SNX29: variants seen among roughly 807,000 people sequenced by gnomAD.
SNX29 encodes sorting nexin 29.
In SNX29, 78 loss-of-function variants were observed where a neutral mutation model predicts 102.1. That is an observed-to-expected ratio of 0.76 (90% CI 0.64 to 0.92). The LOEUF is 0.92. SNX29 is among the 40% of genes least tolerant of loss of function. The probability of loss-of-function intolerance (pLI) is 0.00; values close to 1 mark genes in which losing one functional copy is unlikely to be tolerated. For missense variants in SNX29, 1,280 were observed against 1,061.7 expected (o/e 1.21, Z -2.86); for synonymous variants, 580 against 414.5 (o/e 1.40, Z -4.85).
chr16:12,125,978 G>A (rs1420161870), intron 11 of SNX29, among the ~76,000 whole-genome samples: 6 of 152,130 alleles, frequency 3.9e-5, no homozygotes, highest in African/African-American at 1.4e-4. Context: ...GTCTGGGGCT[G>A]ATTTCCCATA....
At chr16:12,549,755 C>A (rs1567175590) in intron 20 of SNX29, among the ~76,000 whole-genome samples, 1 of 152,212 alleles carries the variant, frequency 6.6e-6, no homozygotes, top group Non-Finnish European at 1.5e-5. Flanking sequence ...ACTTTGAGAC[C>A]TGTTGGTGAT....
intron 20 of SNX29, 38 bp from the exon 21 acceptor site, chr16:12,568,468 T>A (rs752541300): frequency 2.5e-6 from 4 of 1,605,090 alleles, no homozygotes. Context: ...TTGCTTTTCA[T>A]CCCCAGACTT....
intron 16 of SNX29, among the ~76,000 whole-genome samples, chr16:12,386,047 C>T (rs892167700): frequency 2.6e-5 from 4 of 152,190 alleles, no homozygotes; most frequent in Admixed American, 6.5e-5. Flanking sequence ...CAGGTGTCCC[C>T]GTCACTGCAG....
At chr16:12,568,427 C>CA in intron 20 of SNX29, 79 bp from the exon 21 acceptor site, 1 of 1,573,552 alleles carries the variant, frequency 6.4e-7, no homozygotes, top group Non-Finnish European at 8.6e-7. Context: ...CCTGCCCTCA[C>CA]ACCTGGCTCC....
At chr16:12,028,202 T>TTTGGCTGGTTCCCCTTTCACAGCCA (rs1567542734) in intron 4 of SNX29, among the ~76,000 whole-genome samples, 4 of 152,180 alleles carry the variant, frequency 2.6e-5, no homozygotes, top group Non-Finnish European at 4.4e-5. Context: ...ATGTGCTGTC[T>TTTGGCTGGTTCCCCTTTCACAGCCA]TTGGCTGGTT....
intron 20 of SNX29, among the ~76,000 whole-genome samples, chr16:12,535,550 C>T (rs750071206): frequency 5.9e-5 from 9 of 152,278 alleles, no homozygotes; most frequent in South Asian, 2.1e-4. Flanking sequence ...ACAGCTGGGA[C>T]GTGGCAGCAT....
intron 3 of SNX29, among the ~76,000 whole-genome samples, chr16:12,024,635 C>G (rs566954301): frequency 6.6e-6 from 1 of 152,322 alleles, no homozygotes; most frequent in African/African-American, 2.4e-5. Flanking sequence ...GCCTCTGTGA[C>G]ACAGTACTGA....
intron 15 of SNX29, among the ~76,000 whole-genome samples, chr16:12,302,229 G>A (rs1327462251): frequency 6.6e-6 from 1 of 152,176 alleles, no homozygotes; most frequent in Admixed American, 6.5e-5. Flanking sequence ...ATGAATATAA[G>A]CAAATGGCTG....
At chr16:12,405,904 C>A (rs1249898596) in intron 18 of SNX29, among the ~76,000 whole-genome samples, 1 of 151,938 alleles carries the variant, frequency 6.6e-6, no homozygotes, top group South Asian at 2.1e-4. Flanking sequence ...TGGTGGTGGG[C>A]GCCTGTAATC....
intron 20 of SNX29, among the ~76,000 whole-genome samples, chr16:12,552,025 A>G (rs1203890060): frequency 1.3e-5 from 2 of 152,172 alleles, no homozygotes; most frequent in Non-Finnish European, 2.9e-5. Context: ...AAAACGTGGC[A>G]AGTCCAGGCT....
intron 1 of SNX29, among the ~76,000 whole-genome samples, chr16:11,997,345 C>G (rs1439990273): frequency 6.6e-6 from 1 of 152,204 alleles, no homozygotes; most frequent in Non-Finnish European, 1.5e-5. Flanking sequence ...TCAAATGTCA[C>G]CTGTGCAGAG....
intron 19 of SNX29, among the ~76,000 whole-genome samples, chr16:12,496,507 CTTTTTTT>C (rs537441350): frequency 1.1e-4 from 13 of 115,192 alleles, no homozygotes; most frequent in Non-Finnish European, 1.7e-4. Context: ...GCTCTCATGG[CTTTTTTT>C]TTTTTTTTTT....
chr16:12,168,227 C>A (rs539307161), intron 13 of SNX29, among the ~76,000 whole-genome samples: 3 of 152,242 alleles, frequency 2.0e-5, no homozygotes, highest in African/African-American at 7.2e-5. Context: ...GGGCGGGGAT[C>A]CAGGCAGTTT....
intron 11 of SNX29, among the ~76,000 whole-genome samples, chr16:12,100,146 T>A (rs1336786517): frequency 6.6e-6 from 1 of 152,192 alleles, no homozygotes; most frequent in Non-Finnish European, 1.5e-5. Context: ...ACCTTCTGGC[T>A]TTTCATCCTT....
At chr16:12,543,524 T>G (rs1161013097) in intron 20 of SNX29, among the ~76,000 whole-genome samples, 2 of 152,178 alleles carry the variant, frequency 1.3e-5, no homozygotes, top group Non-Finnish European at 2.9e-5. Context: ...AAGAAGCTTG[T>G]GACACCTTTG....
At chr16:12,565,972 C>T (rs1378736372) in intron 20 of SNX29, among the ~76,000 whole-genome samples, 4 of 152,164 alleles carry the variant, frequency 2.6e-5, no homozygotes, top group Admixed American at 6.5e-5. Context: ...CTGTGGCTTT[C>T]CAAACCTGAG....
At chr16:12,539,506 G>T (rs574303403) in intron 20 of SNX29, among the ~76,000 whole-genome samples, 1 of 152,290 alleles carries the variant, frequency 6.6e-6, no homozygotes, top group Non-Finnish European at 1.5e-5. Flanking sequence ...AAGTTGCGTT[G>T]GTTCCAGTTG....
chr16:12,348,881 C>T (rs146766812), intron 15 of SNX29, among the ~76,000 whole-genome samples: 20 of 152,062 alleles, frequency 1.3e-4, no homozygotes, highest in African/African-American at 3.9e-4. Context: ...GAGTACTGCT[C>T]GGAGAGGAAG....
At position 12,134,232 on chromosome 16, in the gene SNX29, C is replaced by G. The variant is rs140768363; in HGVS notation, c.1595+4474C>G. On this transcript the variant is annotated intron_variant, in intron 13 of 20. Transcript: ENST00000566228. ...TTGAATTATTGTGGGGGGTCATTTT[C>G]CAATTCTTGTCATCGTATTATGGCA... 2.8e-3 allele frequency among the ~76,000 whole-genome samples: 432 copies of G among 152,280 alleles called. 2 individuals are homozygous for G. The highest frequency in any genetic ancestry group is 9.8e-3 in the African/African-American group (409 of 41,552).
Sources: allele counts gnomAD v4.1 joint callset (sites outside exome capture counted in the v4.1 genomes callset), GRCh38; gene constraint gnomAD v4.1.1; transcripts MANE v1.5; gene names NCBI Gene and HGNC (gene_info 2026-07-23, HGNC 2026-07-21).